PCSK5: variants seen among roughly 807,000 people sequenced by gnomAD.
PCSK5 encodes the protein prohormone convertase 5.
Under a neutral mutation model 233.2 loss-of-function variants are expected in PCSK5, and 129 were observed. The ratio of observed to expected loss-of-function variants is 0.55; its 90% CI spans 0.48 to 0.64. PCSK5 has a LOEUF of 0.64. Among genes scored for constraint, PCSK5 ranks in the 30% least tolerant of loss-of-function variants. The pLI, the probability that PCSK5 is intolerant of heterozygous loss-of-function variation, is 0.00. For missense variants in PCSK5, 2,076 were observed against 2,430.1 expected, an observed-to-expected ratio of 0.85 and a Z score of 3.06; for synonymous variants, 825 against 879.2, an observed-to-expected ratio of 0.94 and a Z score of 1.09.
chr9:75,905,697 C>T (rs1826236264), intron 1 of PCSK5, among the ~76,000 whole-genome samples: 1 of 152,200 alleles, frequency 6.6e-6, no homozygotes, highest in Non-Finnish European at 1.5e-5. Flanking sequence ...CGCTCCACTT[C>T]CTGTCAGATC....
chr9:76,170,248 A>G (rs183772651), intron 13 of PCSK5, among the ~76,000 whole-genome samples: 222 of 152,342 alleles, frequency 1.5e-3, no homozygotes, highest in African/African-American at 5.1e-3. Context: ...TTTACTTTTC[A>G]GTTTAGGCAA....
chr9:76,193,366 A>T (rs371526542), intron 20 of PCSK5: 1 of 1,602,562 alleles, frequency 6.2e-7, no homozygotes, highest in South Asian at 1.1e-5. Flanking sequence ...GCCATCTTAG[A>T]TTTCTTTGTT....
At chr9:75,901,471 G>T (rs1218150031) in intron 1 of PCSK5, among the ~76,000 whole-genome samples, 2 of 151,990 alleles carry the variant, frequency 1.3e-5, no homozygotes, top group Non-Finnish European at 2.9e-5. Flanking sequence ...GAGCCTGTTG[G>T]GGGTGGCGGG....
At chr9:76,211,713 C>T (rs570086677) in intron 20 of PCSK5, among the ~76,000 whole-genome samples, 19 of 152,246 alleles carry the variant, frequency 1.2e-4, no homozygotes, top group African/African-American at 4.3e-4. Flanking sequence ...TCAGGCATGG[C>T]GGTGCACGCC....
At chr9:76,084,302 G>C (rs756591604) in intron 7 of PCSK5, among the ~76,000 whole-genome samples, 8 of 152,210 alleles carry the variant, frequency 5.3e-5, no homozygotes, top group Non-Finnish European at 8.8e-5. Context: ...ATATTAATGT[G>C]AATTGTTGTG....
chr9:76,067,811 A>G (rs933197073), intron 5 of PCSK5, 144 bp from the exon 6 acceptor site: 3 of 652,076 alleles, frequency 4.6e-6, no homozygotes, highest in South Asian at 3.8e-5. Flanking sequence ...TTTGCCATGG[A>G]CAGACAAAGT....
intron 5 of PCSK5, among the ~76,000 whole-genome samples, chr9:76,057,127 A>T (rs1263851889): frequency 6.6e-6 from 1 of 152,294 alleles, no homozygotes; most frequent in South Asian, 2.1e-4. Flanking sequence ...AGTATTCTAG[A>T]TGCTCATACT....
At chr9:75,925,356 G>A (rs1823439154) in intron 1 of PCSK5, among the ~76,000 whole-genome samples, 2 of 152,308 alleles carry the variant, frequency 1.3e-5, no homozygotes, top group South Asian at 4.1e-4. Context: ...CATGCCCACT[G>A]TTATTTCGAG....
In PCSK5 at chr9:76,107,331, T is replaced by A; in HGVS notation, c.1188T>A (p.Ile396=). 1 of 1,613,440 alleles carries A rather than the reference T, an allele frequency of 6.2e-7. No homozygotes were observed. The highest frequency in any genetic ancestry group is 8.5e-7 in the Non-Finnish European group (1 of 1,179,510). The change falls in exon 9 of 38, where the codon ATT becomes ATA. Residue 396 remains isoleucine (I), a synonymous_variant. Transcript: ENST00000674117. ...CAGCCCCCATGGCTGCAGGCATCATTGCGCTGGCCCTGGAAGCCAAGTAAG... is the reference window on the plus strand; with the variant it reads ...CAGCCCCCATGGCTGCAGGCATCATAGCGCTGGCCCTGGAAGCCAAGTAAG... ...SASAPMAAGI[I]ALALEANPFL... is the part of the protein sequence containing the mutation.
At chr9:76,340,250 G>T (rs931832410) in intron 35 of PCSK5, among the ~76,000 whole-genome samples, 1 of 152,166 alleles carries the variant, frequency 6.6e-6, no homozygotes, top group African/African-American at 2.4e-5. Context: ...ACTCTGGAGT[G>T]TAAAACATAA....
At chr9:76,120,791 G>A (rs989347468) in intron 9 of PCSK5, among the ~76,000 whole-genome samples, 1 of 151,742 alleles carries the variant, frequency 6.6e-6, no homozygotes, top group Non-Finnish European at 1.5e-5. Flanking sequence ...GTCATTATAA[G>A]TTCAGATTTT....
intron 24 of PCSK5, among the ~76,000 whole-genome samples, chr9:76,249,909 G>C (rs1248226134): frequency 6.6e-6 from 1 of 152,156 alleles, no homozygotes; most frequent in African/African-American, 2.4e-5. Flanking sequence ...AAGTATCCAT[G>C]AGTTCATACA....
Position 76,286,121 on chromosome 9 carries a change from G to C in PCSK5, c.3143-6112G>C, listed in dbSNP as rs922733804. 2.6e-5 allele frequency among the ~76,000 whole-genome samples: 4 copies of C among 152,250 alleles called. No homozygotes were observed. The East Asian group carries it at 7.7e-4, about 29-fold the overall frequency. On this transcript the variant is annotated intron_variant, in intron 24 of 37. Transcript: ENST00000674117. ...CCAGTGGACATAAATGTGTTCAAAA[G>C]GTTTTTTTCCTGCAGGTCATTTTTC...
intron 9 of PCSK5, among the ~76,000 whole-genome samples, chr9:76,110,883 A>G (rs1366326289): frequency 6.6e-6 from 1 of 152,174 alleles, no homozygotes; most frequent in African/African-American, 2.4e-5. Context: ...CTGAGGCAGG[A>G]GGATCACCTG....
At chr9:75,891,561 ACACC>A (rs1012828160) in intron 1 of PCSK5, among the ~76,000 whole-genome samples, 188 bp downstream of exon 1, 1 of 113,322 alleles carries the variant, frequency 8.8e-6, no homozygotes, top group Admixed American at 8.6e-5. Context: ...ACACACACAC[ACACC>A]CCAGAGTTGC....
intron 8 of PCSK5, among the ~76,000 whole-genome samples, chr9:76,106,713 A>G (rs1831993288): frequency 2.0e-5 from 3 of 152,224 alleles, no homozygotes; most frequent in African/African-American, 7.2e-5. Flanking sequence ...GATTCTAGAA[A>G]CAGGTCCACA....
At chr9:76,098,710 G>A (rs1368379376) in intron 8 of PCSK5, among the ~76,000 whole-genome samples, 1 of 152,210 alleles carries the variant, frequency 6.6e-6, no homozygotes, top group Non-Finnish European at 1.5e-5. Context: ...AATGCCTTCT[G>A]TAAGGGAAGC....
intron 28 of PCSK5, among the ~76,000 whole-genome samples, chr9:76,303,792 G>T (rs968149510): frequency 3.9e-5 from 6 of 152,206 alleles, no homozygotes; most frequent in Non-Finnish European, 8.8e-5. Context: ...TGTGGCCAAG[G>T]TGGCTCTGCA....
intron 24 of PCSK5, among the ~76,000 whole-genome samples, chr9:76,291,835 TG>T (rs1379102190): frequency 6.6e-6 from 1 of 152,194 alleles, no homozygotes; most frequent in Non-Finnish European, 1.5e-5. Context: ...GGGTAACTGA[TG>T]GAAAACCCTC....
Sources: gnomAD v4.1 joint callset for allele counts (sites outside exome capture counted in the v4.1 genomes callset) on GRCh38, gnomAD v4.1.1 for gene constraint, MANE v1.5 for transcripts, NCBI Gene and HGNC (gene_info 2026-07-23, HGNC 2026-07-21) for gene names.